Variants in ENOX2 observed in about 807,000 individuals in gnomAD.
ENOX2 encodes the protein APK1 antigen.
In ENOX2, 36 loss-of-function variants were observed where a neutral mutation model predicts 45.0. The observed-to-expected ratio is 0.80, with a 90% CI of 0.61 to 1.06. The LOEUF (loss-of-function observed/expected upper bound fraction) is 1.06, where lower values mean the gene tolerates loss of function less well. Among genes scored for constraint, ENOX2 ranks in the 50% least tolerant of loss-of-function variants. ENOX2 has a pLI of 0.00. For missense variants in ENOX2, 423 were observed against 462.5 expected (o/e 0.91, Z 0.78); for synonymous variants, 174 against 152.3 (o/e 1.14, Z -1.05).
intron 11 of ENOX2, 65 bp downstream of exon 11, chrX:130,637,164 C>T (rs912520324): frequency 1.1e-6 from 1 of 899,036 alleles, no homozygotes; most frequent in African/African-American, 2.0e-5. Context: ...TTGCAGGGGA[C>T]CCTTTTATAG....
intron 3 of ENOX2, among the ~76,000 whole-genome samples, chrX:130,708,734 TC>T (rs1484504451): frequency 9.0e-6 from 1 of 111,518 alleles, no homozygotes; most frequent in African/African-American, 3.3e-5. Context: ...TACAAAAGAG[TC>T]CTCCACAGAT....
chrX:130,738,356 C>T (rs2038907128), intron 3 of ENOX2, among the ~76,000 whole-genome samples: 1 of 112,182 alleles, frequency 8.9e-6, no homozygotes, highest in South Asian at 3.7e-4. Context: ...ACACTGAAAT[C>T]ACTATAGCTA....
intron 2 of ENOX2, among the ~76,000 whole-genome samples, chrX:130,884,357 A>C (rs901642166): frequency 8.9e-6 from 1 of 112,252 alleles, no homozygotes; most frequent in Admixed American, 9.4e-5. Flanking sequence ...AGATTATAAC[A>C]ATACTTGCTC....
Position 130,667,715 on chromosome X carries a change from T to C in ENOX2, c.722A>G (p.Gln241Arg). The change falls in exon 8 of 15, where the codon CAG (glutamine) becomes CGG (arginine). Residue 241 changes from glutamine to arginine, a missense_variant. Physicochemically the swap from Gln to Arg is conservative, Grantham distance 43. Transcript: ENST00000394363. The part of the protein sequence containing the change: ...KDDSKFSEAV[Q>R]TLLTWIERGE... Reference sequence around the variant, plus strand: ...TCGCTCTATCCAGGTAAGCAAGGTCTGTACAGCTTCTGAGAATTTGGAATC... The same window carrying C: ...TCGCTCTATCCAGGTAAGCAAGGTCCGTACAGCTTCTGAGAATTTGGAATC... 8.3e-7 allele frequency: 1 copy of C among 1,204,780 alleles called. No homozygotes were observed. The highest frequency in any genetic ancestry group is 1.1e-6 in the Non-Finnish European group (1 of 890,200).
chrX:130,764,128 G>A (rs964605505), intron 3 of ENOX2, among the ~76,000 whole-genome samples: 1 of 110,618 alleles, frequency 9.0e-6, no homozygotes, highest in Admixed American at 9.6e-5. Flanking sequence ...GGAATGTCAC[G>A]CCTCAAGTTC....
At chrX:130,897,172 A>G (rs1251988804) in intron 2 of ENOX2, among the ~76,000 whole-genome samples, 5 of 112,178 alleles carry the variant, frequency 4.5e-5, no homozygotes, top group Non-Finnish European at 7.5e-5. Context: ...TACCCATCCC[A>G]AATGACACAG....
In ENOX2 at chrX:130,690,659, T is replaced by C. The variant is rs763414670; in HGVS notation, c.98-1641A>G. Among the ~76,000 whole-genome samples, 13 of 111,745 alleles carry C rather than the reference T, an allele frequency of 1.2e-4. No individual in the cohort carries two copies. In the East Asian group the frequency reaches 2.3e-3, roughly 19 times the overall value. ...GCCAGAAGAGCAATGCCTGTACACA[T>C]GTCCTTAAAGTGGCCCTGAAGTCCC... On this transcript the variant is annotated intron_variant, in intron 4 of 14. Coordinates refer to ENST00000394363, the MANE Select transcript of ENOX2 (RefSeq NM_006375.4).
intron 3 of ENOX2, among the ~76,000 whole-genome samples, chrX:130,756,887 G>A (rs1231043959): frequency 8.9e-6 from 1 of 112,148 alleles, no homozygotes; most frequent in Non-Finnish European, 1.9e-5. Context: ...CTAGGCAATT[G>A]GCAATAGTTG....
intron 2 of ENOX2, among the ~76,000 whole-genome samples, chrX:130,856,917 C>T (rs907442696): frequency 2.7e-5 from 3 of 111,657 alleles, no homozygotes; most frequent in Non-Finnish European, 5.7e-5. Flanking sequence ...AAGTACTCAG[C>T]TGAATTAACA....
intron 3 of ENOX2, among the ~76,000 whole-genome samples, chrX:130,776,483 T>C (rs1308597140): frequency 9.1e-6 from 1 of 110,065 alleles, no homozygotes; most frequent in Non-Finnish European, 1.9e-5. Context: ...CGTCTCCCCC[T>C]CCACTCTCTC....
intron 9 of ENOX2, among the ~76,000 whole-genome samples, chrX:130,660,306 G>C (rs1212270676): frequency 1.8e-5 from 2 of 111,984 alleles, no homozygotes; most frequent in Non-Finnish European, 3.8e-5. Flanking sequence ...TAAGCTTATG[G>C]GGAACATTTA....
At chrX:130,874,085 GCT>G (rs2078651503) in intron 2 of ENOX2, among the ~76,000 whole-genome samples, 2 of 111,616 alleles carry the variant, frequency 1.8e-5, no homozygotes, top group African/African-American at 6.5e-5. Flanking sequence ...ATTTTTAAAA[GCT>G]AGAGGCACAT....
intron 3 of ENOX2, among the ~76,000 whole-genome samples, chrX:130,744,358 T>G (rs769166371): frequency 2.0e-4 from 22 of 112,115 alleles, no homozygotes; most frequent in Admixed American, 4.7e-4. Flanking sequence ...TTTGAACTCT[T>G]CGTAAGATTG....
intron 3 of ENOX2, among the ~76,000 whole-genome samples, chrX:130,732,902 G>C (rs2038771339): frequency 9.0e-6 from 1 of 111,617 alleles, no homozygotes; most frequent in African/African-American, 3.3e-5. Context: ...TTAAATGTAG[G>C]ACCTGAAATG....
intron 2 of ENOX2, among the ~76,000 whole-genome samples, chrX:130,877,940 G>T (rs2078738454): frequency 8.9e-6 from 1 of 111,793 alleles, no homozygotes; most frequent in Admixed American, 9.5e-5. Flanking sequence ...ACTTATCCTG[G>T]CTCACTGACA....
intron 3 of ENOX2, among the ~76,000 whole-genome samples, chrX:130,759,546 C>G (rs2039426179): frequency 1.0e-5 from 1 of 97,615 alleles, no homozygotes; most frequent in African/African-American, 3.9e-5. Context: ...ACACTGCACT[C>G]CAGCCTGGGT....
At chrX:130,719,599 G>T (rs1164280915) in intron 3 of ENOX2, among the ~76,000 whole-genome samples, 1 of 112,342 alleles carries the variant, frequency 8.9e-6, no homozygotes, top group Non-Finnish European at 1.9e-5. Flanking sequence ...GCCTCTGAAG[G>T]GGCTAGCATG....
intron 3 of ENOX2, among the ~76,000 whole-genome samples, chrX:130,750,233 GTCAGTA>G (rs1250677176): frequency 2.7e-5 from 3 of 111,605 alleles, no homozygotes; most frequent in Non-Finnish European, 5.7e-5. Flanking sequence ...TCCTGTCTCT[GTCAGTA>G]TCTCTGCCTC....
At chrX:130,746,841 C>T (rs2039107708) in intron 3 of ENOX2, among the ~76,000 whole-genome samples, 1 of 112,256 alleles carries the variant, frequency 8.9e-6, no homozygotes, top group Non-Finnish European at 1.9e-5. Context: ...TCTGGCACAG[C>T]CAGAACCAGG....
Sources: allele counts gnomAD v4.1 joint callset (sites outside exome capture counted in the v4.1 genomes callset), GRCh38; gene constraint gnomAD v4.1.1; transcripts MANE v1.5; gene names NCBI Gene and HGNC (gene_info 2026-07-23, HGNC 2026-07-21).